MMP2: variants seen among roughly 807,000 people sequenced by gnomAD.
MMP2 encodes 72 kDa type IV collagenase.
In MMP2, 39 loss-of-function variants were observed where a neutral mutation model predicts 74.8. The observed-to-expected ratio is 0.52, with a 90% CI of 0.40 to 0.68. The LOEUF is 0.68. Ranked by LOEUF, MMP2 falls within the 30% of genes least tolerant of loss-of-function variation. The pLI is 0.00. For synonymous variants in MMP2, 367 were observed against 339.8 expected (o/e 1.08, Z -0.88); for missense variants, 803 against 878.3 (o/e 0.91, Z 1.08).
intron 7 of MMP2, 150 bp downstream of exon 7, chr16:55,489,974 A>G: frequency 1.2e-6 from 1 of 866,646 alleles, no homozygotes. Flanking sequence ...CTGGGCTGAG[A>G]CAATGCCCAT....
At chr16:55,483,453 T>C (rs1440401577) in intron 2 of MMP2, among the ~76,000 whole-genome samples, 2 of 151,844 alleles carry the variant, frequency 1.3e-5, no homozygotes, top group Non-Finnish European at 2.9e-5. Flanking sequence ...ACGGCTTCTA[T>C]GATTTTTGAC....
In MMP2 at chr16:55,499,641, C is replaced by T. The variant is rs79363001; in HGVS notation, c.1769+1193C>T. ...GGTAGCCCAAACCTCAGGAGTTTGACTGTAATTCTTCACACTTTCTAGAAA... is the reference window on the plus strand; with the variant it reads ...GGTAGCCCAAACCTCAGGAGTTTGATTGTAATTCTTCACACTTTCTAGAAA... On this transcript the variant is annotated intron_variant, in intron 11 of 12. Transcript: ENST00000219070. 2.3e-3 allele frequency among the ~76,000 whole-genome samples: 357 copies of T among 152,268 alleles called. 1 individual carries two copies. Among genetic ancestry groups the T allele is most frequent in the African/African-American group, 8.3e-3 (344 of 41,552 alleles).
intron 10 of MMP2, among the ~76,000 whole-genome samples, chr16:55,497,480 A>G (rs756769682): frequency 1.3e-5 from 2 of 152,266 alleles, no homozygotes; most frequent in Non-Finnish European, 2.9e-5. Context: ...TGGTTTTAAC[A>G]GAGGCAGTTA....
At position 55,485,638 on chromosome 16, in the gene MMP2, G is replaced by C; in HGVS notation, c.693G>C (p.Glu231Asp). 1 of 1,614,142 alleles carries C rather than the reference G, an allele frequency of 6.2e-7. No homozygotes were observed. Among genetic ancestry groups the C allele is most frequent in the Non-Finnish European group, 8.5e-7 (1 of 1,180,014 alleles). The change falls in exon 5 of 13, where the codon GAG (glutamate) becomes GAC (aspartate). Residue 231 changes from glutamate (E) to aspartate (D), a missense_variant. This residue lies in a region of MMP2 where 555 missense variants were observed against 592.0 expected (regional missense o/e 0.94). Transcript: ENST00000219070. The part of the protein sequence containing the change: ...VRVKYGNADG[E>D]YCKFPFLFNG... ...TGAAGTATGGGAACGCCGATGGGGAGTACTGCAAGTTCCCCTTCTTGTTCA... is the reference window on the plus strand; with the variant it reads ...TGAAGTATGGGAACGCCGATGGGGACTACTGCAAGTTCCCCTTCTTGTTCA...
At chr16:55,485,268 G>A in intron 3 of MMP2, 31 bp from the exon 4 acceptor site, 2 of 1,614,032 alleles carry the variant, frequency 1.2e-6, no homozygotes, top group Non-Finnish European at 1.7e-6. Context: ...AGGTGGCACA[G>A]CTAGACGCTA....
chr16:55,483,177 G>A (rs372388599), intron 2 of MMP2, 42 bp downstream of exon 2: 44 of 1,522,802 alleles, frequency 2.9e-5, no homozygotes, highest in Admixed American at 1.5e-4. Context: ...ATGGGGCTGA[G>A]GGACACGAGT....
At chr16:55,489,523 T>C in intron 6 of MMP2, 128 bp from the exon 7 acceptor site, 1 of 1,182,470 alleles carries the variant, frequency 8.5e-7, no homozygotes, top group South Asian at 1.2e-5. Flanking sequence ...GAGATGAGTC[T>C]AAAGATACAG....
chr16:55,484,638 C>T (rs1454326066), intron 3 of MMP2, among the ~76,000 whole-genome samples: 1 of 152,116 alleles, frequency 6.6e-6, no homozygotes, highest in Admixed American at 6.5e-5. Context: ...CACTGAGGAA[C>T]TGTAGATATA....
At position 55,491,938 on chromosome 16, in the gene MMP2, G is replaced by C; in HGVS notation, c.1318G>C (p.Gly440Arg). ...NFRLSQDDIKGIQELYGASPD... is the reference protein window; with the variant it reads ...NFRLSQDDIKRIQELYGASPD... ...CCGTCTGTCCCAGGATGACATCAAG[G>C]GCATTCAGGAGCTCTATGGTAAACC... Residue 440 changes from glycine (G) to arginine (R), a missense_variant, in exon 8 of 13, where the codon GGC (glycine) becomes CGC (arginine). By Grantham distance (125) the Gly-to-Arg change is moderately radical. Transcript: ENST00000219070. 1 of 1,614,036 alleles carries C rather than the reference G, an allele frequency of 6.2e-7. No homozygotes were observed. The highest frequency in any genetic ancestry group is 8.5e-7 in the Non-Finnish European group (1 of 1,180,010).
At position 55,479,474 on chromosome 16, in the gene MMP2, G is replaced by A. The variant is rs752623125; in HGVS notation, c.-6G>A. 9.7e-6 allele frequency: 15 copies of A among 1,553,364 alleles called. No individual in the cohort carries two copies. In the African/African-American group the frequency reaches 1.7e-4, roughly 17 times the overall value. On this transcript the variant is annotated 5_prime_UTR_variant, in exon 1 of 13. Coordinates refer to ENST00000219070, the MANE Select transcript of MMP2 (RefSeq NM_004530.6). Reference sequence around the variant, plus strand: ...CGGGCGACGCGCGGGGCCAGGGAGCGCTACGATGGAGGCGCTAATGGCCCG... The same window carrying A: ...CGGGCGACGCGCGGGGCCAGGGAGCACTACGATGGAGGCGCTAATGGCCCG...
Position 55,486,263 on chromosome 16 carries a change from C to T in MMP2, c.832+486C>T, listed in dbSNP as rs77987017. On this transcript the variant is annotated intron_variant, in intron 5 of 12. Coordinates refer to ENST00000219070, the MANE Select transcript of MMP2 (RefSeq NM_004530.6). ...CTGGACTCAACCTGGTTTGCGTACT[C>T]CAACTGAGGAATTTCAGCTATTGCT... Among the ~76,000 whole-genome samples, 1,344 of 151,902 alleles carry T rather than the reference C, an allele frequency of 8.8e-3. 20 individuals carry two copies. The highest frequency in any genetic ancestry group is 0.029 in the African/African-American group (1,198 of 41,380).
At chr16:55,484,286 T>C (rs1290201876) in intron 3 of MMP2, 122 bp downstream of exon 3, 10 of 1,200,146 alleles carry the variant, frequency 8.3e-6, no homozygotes, top group Non-Finnish European at 1.1e-5. Context: ...GTAGATGGTG[T>C]GGGCCCTGGG....
chr16:55,489,406 A>C (rs1383077512), intron 6 of MMP2, among the ~76,000 whole-genome samples: 1 of 151,992 alleles, frequency 6.6e-6, no homozygotes, highest in East Asian at 1.9e-4. Context: ...GATACTTCCT[A>C]GCAGTGTTGG....
chr16:55,491,153 C>T (rs1203737020), intron 7 of MMP2, among the ~76,000 whole-genome samples: 1 of 151,730 alleles, frequency 6.6e-6, no homozygotes, highest in South Asian at 2.1e-4. Context: ...CAACCTCTGC[C>T]TCCTGGGTTC....
In MMP2 at chr16:55,505,781, T is replaced by G; in HGVS notation, c.*339T>G. On this transcript the variant is annotated 3_prime_UTR_variant, in exon 13 of 13. Transcript: ENST00000219070. ...TCAGGCTCTTCTCCTTTCACAACCT[T>G]CTGTGGCTCACAGAACCCTTGGAGC... 2.6e-6 allele frequency: 1 copy of G among 379,236 alleles called. No individual in the cohort carries two copies. The highest frequency in any genetic ancestry group is 5.0e-6 in the Non-Finnish European group (1 of 199,478). The allele number at this position is 379,236 out of a possible 1,614,324, so 23.5% of individuals were successfully genotyped here. A position where few individuals can be genotyped will look rare whatever the true frequency, so the allele number is the denominator to read the frequency against.
Position 55,493,435 on chromosome 16 carries a change from C to G in MMP2, c.1472+142C>G, listed in dbSNP as rs115327456. 157 of 1,160,392 alleles carry G rather than the reference C, an allele frequency of 1.4e-4. No homozygotes were observed. In the African/African-American group the frequency reaches 2.1e-3, roughly 16 times the overall value. 71.9% of individuals were successfully genotyped at this position (1,160,392 alleles called of 1,614,324 possible). ...GAATTAGGCAGTTTCTGCTGTGTAT[C>G]AAACAACCTCCAGGTTTCAGTGGAT... On this transcript the variant is annotated intron_variant, in intron 9 of 12. Coordinates refer to ENST00000219070, the MANE Select transcript of MMP2 (RefSeq NM_004530.6).
In MMP2 at chr16:55,506,242, T is replaced by G. The variant is rs868112480; in HGVS notation, c.*800T>G. The G allele has an allele frequency of 3.9e-5, 6 of 152,214 alleles. No individual in the cohort carries two copies. The highest frequency in any genetic ancestry group is 7.3e-5 in the Non-Finnish European group (5 of 68,064). 9.4% of individuals were successfully genotyped at this position (152,214 alleles called of 1,614,324 possible). ...AATAAAGACACCTACTGAGTGGCCG[T>G]GTTTGCCATCTGTTTTAGCAGAGCC... On this transcript the variant is annotated 3_prime_UTR_variant, in exon 13 of 13. Transcript: ENST00000219070.
At position 55,488,863 on chromosome 16, in the gene MMP2, C is replaced by T. The variant is rs142607152; in HGVS notation, c.1006+147C>T. The T allele has an allele frequency of 4.4e-5, 37 of 836,194 alleles. No homozygotes were observed. The African/African-American group carries it at 4.7e-4, about 11-fold the overall frequency. The allele number at this position is 836,194 out of a possible 1,614,324, so 51.8% of individuals were successfully genotyped here. A position where few individuals can be genotyped will look rare whatever the true frequency, so the allele number is the denominator to read the frequency against. On this transcript the variant is annotated intron_variant, in intron 6 of 12. Coordinates refer to ENST00000219070, the MANE Select transcript of MMP2 (RefSeq NM_004530.6). ...CGAATGACATCCACACCAAGATGTC[C>T]GTGTAGCTAGTCAGGATACTTGTCA...
chr16:55,494,219 A>C (rs1460326058), intron 9 of MMP2, among the ~76,000 whole-genome samples: 10 of 152,202 alleles, frequency 6.6e-5, no homozygotes, highest in Admixed American at 6.5e-4. Flanking sequence ...TCTGGGTTAG[A>C]ATTCTGTAAC....
Sources: allele counts gnomAD v4.1 joint callset (sites outside exome capture counted in the v4.1 genomes callset), GRCh38; gene constraint gnomAD v4.1.1; regional missense constraint gnomAD v4.1.1; transcripts MANE v1.5; gene names NCBI Gene and HGNC (gene_info 2026-07-23, HGNC 2026-07-21).